SARS2: variants seen among roughly 807,000 people sequenced by gnomAD.
SARS2 encodes the protein seryl-tRNA synthetase 2, mitochondrial.
SARS2 carries 52 observed loss-of-function variants against 66.8 expected under a neutral mutation model. The observed-to-expected ratio is 0.78, with a 90% CI of 0.62 to 0.98. The LOEUF (loss-of-function observed/expected upper bound fraction) is 0.98. Among genes scored for constraint, SARS2 ranks in the 50% least tolerant of loss-of-function variants. SARS2 has a pLI of 0.00. For synonymous variants in SARS2, 306 were observed against 281.4 expected, an observed-to-expected ratio of 1.09 and a Z score of -0.87; for missense variants, 673 against 706.3, an observed-to-expected ratio of 0.95 and a Z score of 0.53.
chr19:38,924,135 A>C (rs1219816843), intron 2 of SARS2, among the ~76,000 whole-genome samples: 1 of 151,910 alleles, frequency 6.6e-6, no homozygotes, highest in Non-Finnish European at 1.5e-5. Flanking sequence ...CTGTCTCAAA[A>C]AAAAAAAAGA....
Position 38,930,604 on chromosome 19 carries a change from A to G in SARS2, c.133T>C (p.Tyr45His). The change falls in exon 1 of 16, where the codon TAC becomes CAC. Residue 45 changes from tyrosine (Y) to histidine (H), a missense_variant. Transcript: ENST00000221431. ...TTEKRNRNLL[Y>H]EYAREGYSAL... is the part of the protein sequence containing the mutation. ...CTGTAGCCCTCGCGCGCATACTCGTACAGGAGGTTCCGGTTTCGTTTCTCT... is the reference window on the plus strand; with the variant it reads ...CTGTAGCCCTCGCGCGCATACTCGTGCAGGAGGTTCCGGTTTCGTTTCTCT... 6.2e-7 allele frequency: 1 copy of G among 1,614,080 alleles called. No homozygotes were observed. The highest frequency in any genetic ancestry group is 1.1e-5 in the South Asian group (1 of 91,088).
intron 1 of SARS2, among the ~76,000 whole-genome samples, chr19:38,927,147 A>G (rs1040458841): frequency 6.6e-6 from 1 of 151,778 alleles, no homozygotes; most frequent in Non-Finnish European, 1.5e-5. Context: ...CATGTTGGCC[A>G]GGCTGGTCTG....
rs941256664 is a variant in SARS2 at position 38,918,328 on chromosome 19, C to T, written c.916+94G>A. 1.2e-5 allele frequency: 15 copies of T among 1,276,588 alleles called. No individual in the cohort carries two copies. The African/African-American group carries it at 1.6e-4, about 14-fold the overall frequency. The allele number at this position is 1,276,588 out of a possible 1,614,324, so 79.1% of individuals were successfully genotyped here. On this transcript the variant is annotated intron_variant, in intron 9 of 15. Coordinates refer to ENST00000221431, the MANE Select transcript of SARS2 (RefSeq NM_017827.4). ...TTGGCCCTGGGGCTGCTGAGCTGCT[C>T]GGGGCAGGTGATCCCCCCCAGTGCT...
At position 38,918,093 on chromosome 19, in the gene SARS2, CCTGA is replaced by C; in HGVS notation, c.959_962del (p.Val320GlyfsTer36). The C allele has an allele frequency of 6.2e-7, 1 of 1,606,938 alleles. No homozygotes were observed. The highest frequency in any genetic ancestry group is 8.5e-7 in the Non-Finnish European group (1 of 1,176,904). ...CAAGGTCTAAGGAAACCAGGTGTCA[CCTGA>C]CTGGCAGGTCCCTGAAGGCCACGGT... On this transcript the variant is annotated frameshift_variant and splice_region_variant, in exon 10 of 16. Transcript: ENST00000221431. LOFTEE classifies it high-confidence loss of function.
At chr19:38,928,020 A>C (rs913188182) in intron 1 of SARS2, among the ~76,000 whole-genome samples, 1 of 152,136 alleles carries the variant, frequency 6.6e-6, no homozygotes, top group African/African-American at 2.4e-5. Context: ...GCGACACAGC[A>C]AGACTCCATC....
At chr19:38,916,686 G>A (rs1356424943) in intron 12 of SARS2, among the ~76,000 whole-genome samples, 2 of 139,184 alleles carry the variant, frequency 1.4e-5, no homozygotes, top group East Asian at 2.3e-4. Context: ...TTTTTGAGAC[G>A]GAGTCTGGCT....
At chr19:38,924,131 C>CAAA (rs56799985) in intron 2 of SARS2, among the ~76,000 whole-genome samples, 13 of 142,298 alleles carry the variant, frequency 9.1e-5, no homozygotes, top group Middle Eastern at 3.7e-3. Flanking sequence ...GACTCTGTCT[C>CAAA]AAAAAAAAAA....
At chr19:38,923,184 C>T (rs896085205) in intron 2 of SARS2, among the ~76,000 whole-genome samples, 8 of 142,736 alleles carry the variant, frequency 5.6e-5, no homozygotes, top group South Asian at 4.5e-4. Context: ...GGATTACAGG[C>T]GTGAGCCACC....
intron 7 of SARS2, 122 bp from the exon 8 acceptor site, chr19:38,918,935 G>A (rs987587881): frequency 6.6e-5 from 63 of 952,548 alleles, no homozygotes; most frequent in Non-Finnish European, 8.7e-5. Flanking sequence ...AGGGGCTGGC[G>A]CAGTGGCTCA....
intron 2 of SARS2, among the ~76,000 whole-genome samples, chr19:38,923,322 C>T (rs1247958164): frequency 4.9e-5 from 7 of 143,028 alleles, no homozygotes; most frequent in African/African-American, 1.8e-4. Flanking sequence ...CCCGGGTTCA[C>T]GCCATTCTCC....
rs1488450101 is a variant in SARS2, at chr19:38,922,855, C to CTA, written c.364-589_364-588insTA. Among the ~76,000 whole-genome samples, 6 of 152,160 alleles carry CTA rather than the reference C, an allele frequency of 3.9e-5. No individual in the cohort carries two copies. In the East Asian group the frequency reaches 1.2e-3, roughly 29 times the overall value. On this transcript the variant is annotated intron_variant, in intron 2 of 15. Coordinates refer to ENST00000221431, the MANE Select transcript of SARS2 (RefSeq NM_017827.4). ...CCTGAGGCCTCCCAGCCATATGGAA[C>CTA]TGTGAGTCAATTAAACCTCTTTTCT...
chr19:38,930,199 T>A (rs1822268882), intron 1 of SARS2: 1 of 468,480 alleles, frequency 2.1e-6, no homozygotes, highest in Non-Finnish European at 3.8e-6. Context: ...ACATAGCAAG[T>A]TCCTAAAGGA....
At chr19:38,920,592 G>C (rs1974503054) in intron 5 of SARS2, among the ~76,000 whole-genome samples, 2 of 151,132 alleles carry the variant, frequency 1.3e-5, no homozygotes. Flanking sequence ...TACACACACA[G>C]AGATACACAC....
chr19:38,930,437 T>G (rs759856781), intron 1 of SARS2, 33 bp downstream of exon 1: 4 of 1,575,682 alleles, frequency 2.5e-6, no homozygotes, highest in Non-Finnish European at 3.4e-6. Context: ...AAAGCAAACG[T>G]CTGCGCCCCC....
intron 2 of SARS2, among the ~76,000 whole-genome samples, chr19:38,925,824 T>C (rs1012503450): frequency 2.0e-5 from 3 of 152,086 alleles, no homozygotes; most frequent in Non-Finnish European, 2.9e-5. Flanking sequence ...TCACGCTTGC[T>C]TATTTATTTA....
intron 12 of SARS2, among the ~76,000 whole-genome samples, chr19:38,917,396 A>C (rs547603784): frequency 7.5e-4 from 114 of 151,986 alleles, no homozygotes; most frequent in South Asian, 3.1e-3. Flanking sequence ...TCCCACCCCC[A>C]CTCTCCACTG....
Position 38,930,461 on chromosome 19 carries a change from C to G in SARS2, c.267+9G>C. The G allele has an allele frequency of 6.3e-7, 1 of 1,592,392 alleles. No homozygotes were observed. On this transcript the variant is annotated intron_variant, in intron 1 of 15. Transcript: ENST00000221431. The stretch of plus-strand genomic sequence containing the variant: ...GTCTGCGCCCCCCGGCCGGCGCAGG[C>G]GCACTCACGATCGCGGGCAGGTCCG...
chr19:38,921,536 G>A lies in SARS2; in HGVS notation c.525C>T (p.His175=), dbSNP rs1974536169. 1 of 1,614,062 alleles carries A rather than the reference G, an allele frequency of 6.2e-7. No individual in the cohort carries two copies. The highest frequency in any genetic ancestry group is 1.3e-5 in the African/African-American group (1 of 74,938). The change falls in exon 4 of 16, where the codon CAC becomes CAT. Residue 175 remains histidine (H), a synonymous_variant. Transcript: ENST00000221431. ...LQALKLPNQT[H]PDVPVGDESQ... The stretch of plus-strand genomic sequence containing the variant: ...CCAGCACGGTGCTCACCACGTCTGG[G>A]TGGGTCTGGTTGGGCAGCTTCAGCG...
At chr19:38,924,473 G>A (rs930474185) in intron 2 of SARS2, among the ~76,000 whole-genome samples, 4 of 152,180 alleles carry the variant, frequency 2.6e-5, no homozygotes, top group Admixed American at 6.5e-5. Flanking sequence ...GATCCATTGT[G>A]TTGCTTTCAT....
Sources: allele counts gnomAD v4.1 joint callset (sites outside exome capture counted in the v4.1 genomes callset), GRCh38; gene constraint gnomAD v4.1.1; transcripts MANE v1.5; gene names NCBI Gene and HGNC (gene_info 2026-07-23, HGNC 2026-07-21).